Variants in SCYL3 observed in about 807,000 individuals in gnomAD.
SCYL3 encodes the protein SCY1 like pseudokinase 3, also known as protein-associating with the carboxyl-terminal domain of ezrin.
Under a neutral mutation model 73.8 loss-of-function variants are expected in SCYL3, and 35 were observed. The observed-to-expected ratio is 0.47, with a 90% CI of 0.36 to 0.63. The LOEUF (loss-of-function observed/expected upper bound fraction) is 0.63, where lower values mean the gene tolerates loss of function less well. SCYL3 is among the 20% of genes least tolerant of loss of function. The pLI is 0.00. For missense variants in SCYL3, 712 were observed against 798.9 expected, an observed-to-expected ratio of 0.89 and a Z score of 1.31; for synonymous variants, 277 against 295.2, an observed-to-expected ratio of 0.94 and a Z score of 0.63.
chr1:169,849,719 G>A lies in SCYL3; in HGVS notation c.*3994C>T. On this transcript the variant is annotated 3_prime_UTR_variant, in exon 13 of 13. Coordinates refer to ENST00000367771, the MANE Select transcript of SCYL3 (RefSeq NM_020423.7). ...GCTTCTGTATTGCAATCGGAAAATT[G>A]TCTGAAGGGTACATTACTCGTTATC... is the stretch of plus-strand genomic sequence containing the variant. The A allele has an allele frequency of 2.6e-6, 2 of 757,032 alleles. No homozygotes were observed. The highest frequency in any genetic ancestry group is 4.4e-6 in the Non-Finnish European group (2 of 457,530). 46.9% of individuals were successfully genotyped at this position (757,032 alleles called of 1,614,324 possible).
In SCYL3 at chr1:169,881,219, G is replaced by A. The variant is rs552164585; in HGVS notation, c.166-2400C>T. Among the ~76,000 whole-genome samples the A allele has an allele frequency of 5.3e-5, 8 of 152,230 alleles. No homozygotes were observed. The East Asian group carries it at 1.2e-3, about 22-fold the overall frequency. On this transcript the variant is annotated intron_variant, in intron 2 of 12. Transcript: ENST00000367771. ...AGGCTGAAGATACCTACATTACAAGGCTTCTACGTTTTATGTGACATAGTA... is the reference window on the plus strand; with the variant it reads ...AGGCTGAAGATACCTACATTACAAGACTTCTACGTTTTATGTGACATAGTA...
In SCYL3 at chr1:169,876,106, G is replaced by C. The variant is rs759640804; in HGVS notation, c.352-15C>G. ...GTTAGGTGTCCCTGGAAAAAAAAAA[G>C]AACAGAAGGAAGAGTGCCACTCCAG... On this transcript the variant is annotated splice_polypyrimidine_tract_variant and intron_variant, in intron 3 of 12. Transcript: ENST00000367771. The C allele has an allele frequency of 4.6e-5, 66 of 1,427,498 alleles. No individual in the cohort carries two copies. The East Asian group carries it at 1.6e-3, about 35-fold the overall frequency. 88.4% of individuals were successfully genotyped at this position (1,427,498 alleles called of 1,614,324 possible). A position where few individuals can be genotyped will look rare whatever the true frequency, so the allele number is the denominator to read the frequency against.
chr1:169,854,553 C>T lies in SCYL3; in HGVS notation c.1724G>A (p.Gly575Glu), dbSNP rs765122352. 3 of 1,613,882 alleles carry T rather than the reference C, an allele frequency of 1.9e-6. No individual in the cohort carries two copies. In the South Asian group the frequency reaches 3.3e-5, roughly 18 times the overall value. Residue 575 changes from glycine to glutamate, a missense_variant, in exon 12 of 13, where the codon GGG (glycine) becomes GAG (glutamate). Gly to Glu is a moderately conservative substitution (Grantham distance 98). Coordinates refer to ENST00000367771, the MANE Select transcript of SCYL3 (RefSeq NM_020423.7). ...LPQKISLVQR[G>E]DDADQIEPPK... is the part of the protein sequence containing the mutation. The stretch of plus-strand genomic sequence containing the variant: ...CGGCTCGATTTGGTCTGCGTCATCC[C>T]CCCTTTGTACAAGGCTAATCTTTTG...
chr1:169,862,851 A>G, intron 9 of SCYL3, 54 bp from the exon 10 acceptor site: 1 of 1,569,588 alleles, frequency 6.4e-7, no homozygotes, highest in African/African-American at 1.3e-5. Context: ...ATTTCAGTGA[A>G]AAGTATTAAG....
In SCYL3 at chr1:169,862,634, C is replaced by T. The variant is rs772912815; in HGVS notation, c.1119G>A (p.Leu373=). The change falls in exon 10 of 13, where the codon CTG becomes CTA. Residue 373 remains leucine, a synonymous_variant. Transcript: ENST00000367771. ...AYVEHFTQEQ[L]KKVILPQVLL... Reference sequence around the variant, plus strand: ...TGACCTGTGGCAAGATGACTTTCTTCAGCTGCTCCTGAGTGAAGTGCTCCA... The same window carrying T: ...TGACCTGTGGCAAGATGACTTTCTTTAGCTGCTCCTGAGTGAAGTGCTCCA... 6.2e-7 allele frequency: 1 copy of T among 1,614,216 alleles called. No individual in the cohort carries two copies. The highest frequency in any genetic ancestry group is 8.5e-7 in the Non-Finnish European group (1 of 1,180,046).
At chr1:169,859,326 T>TA in intron 10 of SCYL3, 114 bp from the exon 11 acceptor site, 2 of 984,594 alleles carry the variant, frequency 2.0e-6, no homozygotes, top group Non-Finnish European at 1.4e-6. Context: ...TACATTATCT[T>TA]AGATATGTGT....
At chr1:169,888,008 A>T (rs1457350035) in intron 2 of SCYL3, among the ~76,000 whole-genome samples, 1 of 152,258 alleles carries the variant, frequency 6.6e-6, no homozygotes, top group African/African-American at 2.4e-5. Flanking sequence ...ACACTGGAGA[A>T]TTAATTTACT....
Position 169,849,892 on chromosome 1 carries a change from G to T in SCYL3, c.*3821C>A. The T allele has an allele frequency of 2.1e-6, 1 of 468,496 alleles. No individual in the cohort carries two copies. Among genetic ancestry groups the T allele is most frequent in the Non-Finnish European group, 3.8e-6 (1 of 261,060 alleles). 29.0% of individuals were successfully genotyped at this position (468,496 alleles called of 1,614,324 possible). ...CAGTCTTCCAGCAGATAGTATTTTTGGGTCAAATGATAATACATTTCATTT... is the reference window on the plus strand; with the variant it reads ...CAGTCTTCCAGCAGATAGTATTTTTTGGTCAAATGATAATACATTTCATTT... On this transcript the variant is annotated 3_prime_UTR_variant, in exon 13 of 13. Transcript: ENST00000367771.
intron 8 of SCYL3, among the ~76,000 whole-genome samples, chr1:169,865,208 AAAC>A (rs1402526436): frequency 6.6e-6 from 1 of 152,182 alleles, no homozygotes; most frequent in African/African-American, 2.4e-5. Context: ...CCATAAATTA[AAAC>A]AACATATATA....
chr1:169,878,468 C>T (rs1661008410), intron 3 of SCYL3, among the ~76,000 whole-genome samples, 166 bp downstream of exon 3: 1 of 152,216 alleles, frequency 6.6e-6, no homozygotes, highest in Non-Finnish European at 1.5e-5. Context: ...ATCTATAGCA[C>T]CTCTTGTGCC....
chr1:169,868,769 A>G lies in SCYL3; in HGVS notation c.737+159T>C, dbSNP rs974835393. Among the ~76,000 whole-genome samples, 6 of 152,006 alleles carry G rather than the reference A, an allele frequency of 3.9e-5. No homozygotes were observed. The South Asian group carries it at 6.2e-4, about 16-fold the overall frequency. On this transcript the variant is annotated intron_variant, in intron 7 of 12. Transcript: ENST00000367771. ...GACAGACAACCCAATTTCTTCCTCT[A>G]TTTTCTCCTGTGGACATGATTCAAT...
At chr1:169,859,339 C>T in intron 10 of SCYL3, 127 bp from the exon 11 acceptor site, 1 of 861,450 alleles carries the variant, frequency 1.2e-6, no homozygotes, top group Non-Finnish European at 1.7e-6. Context: ...ATATGTGTTC[C>T]AGGTCAGTGG....
chr1:169,853,775 GCAA>G lies in SCYL3; in HGVS notation c.2008-6_2008-4del, dbSNP rs1274842072. ...TCTTCCCAGCCTTCAGCCTCTCCCT[GCAA>G]CAAAATAAAGCACACCAAGAACCCA... On this transcript the variant is annotated splice_polypyrimidine_tract_variant and splice_region_variant and intron_variant, in intron 12 of 12. Transcript: ENST00000367771. 1 of 1,613,496 alleles carries G rather than the reference GCAA, an allele frequency of 6.2e-7. No homozygotes were observed. The highest frequency in any genetic ancestry group is 1.1e-5 in the South Asian group (1 of 91,046).
rs141337823 is a variant in SCYL3, at chr1:169,859,485, C to T, written c.1141-273G>A. On this transcript the variant is annotated intron_variant, in intron 10 of 12. Transcript: ENST00000367771. ...TACATAAAATTACTCTGTCAAATTG[C>T]GACAAAAGGTTTTAAATGTTAAGTC... 4.8e-3 allele frequency among the ~76,000 whole-genome samples: 732 copies of T among 152,194 alleles called. 10 individuals carry two copies. The highest frequency in any genetic ancestry group is 0.017 in the African/African-American group (699 of 41,498).
rs547771816 is a variant in SCYL3 at position 169,884,618 on chromosome 1, C to A, written c.165+4058G>T. Among the ~76,000 whole-genome samples, 4 of 152,106 alleles carry A rather than the reference C, an allele frequency of 2.6e-5. No individual in the cohort carries two copies. The South Asian group carries it at 6.2e-4, about 24-fold the overall frequency. On this transcript the variant is annotated intron_variant, in intron 2 of 12. Coordinates refer to ENST00000367771, the MANE Select transcript of SCYL3 (RefSeq NM_020423.7). ...TGGCCTACAGGTGTGTTTTGAGCTA[C>A]GGTTTCTGTATAAAATTATGTAGCC... is the stretch of plus-strand genomic sequence containing the variant.
chr1:169,875,432 A>G (rs1660725805), intron 4 of SCYL3, among the ~76,000 whole-genome samples: 1 of 152,248 alleles, frequency 6.6e-6, no homozygotes, highest in African/African-American at 2.4e-5. Flanking sequence ...GGAATACTAC[A>G]TCAGCAACAA....
intron 8 of SCYL3, among the ~76,000 whole-genome samples, chr1:169,865,426 G>C (rs981240962): frequency 2.0e-5 from 3 of 151,970 alleles, no homozygotes; most frequent in Non-Finnish European, 4.4e-5. Flanking sequence ...TTAAGGATCC[G>C]AGGGCCTCCT....
chr1:169,860,486 A>T (rs1487548420), intron 10 of SCYL3, among the ~76,000 whole-genome samples: 1 of 152,244 alleles, frequency 6.6e-6, no homozygotes, highest in Non-Finnish European at 1.5e-5. Context: ...AGCTCTGCTA[A>T]TAATTCTCAA....
intron 4 of SCYL3, among the ~76,000 whole-genome samples, chr1:169,874,928 C>A (rs1660691160): frequency 6.6e-6 from 1 of 152,022 alleles, no homozygotes; most frequent in African/African-American, 2.4e-5. Context: ...TTCCGTTTCC[C>A]AGCACTCCCC....
Sources: gnomAD v4.1 joint callset for allele counts (sites outside exome capture counted in the v4.1 genomes callset) on GRCh38, gnomAD v4.1.1 for gene constraint, MANE v1.5 for transcripts, NCBI Gene and HGNC (gene_info 2026-07-23, HGNC 2026-07-21) for gene names.